Variants in PRKN observed in about 807,000 individuals in gnomAD.
PRKN encodes parkin RBR E3 ubiquitin protein ligase.
PRKN carries 56 observed loss-of-function variants against 59.5 expected under a neutral mutation model. The ratio of observed to expected loss-of-function variants is 0.94; its 90% CI spans 0.76 to 1.18. The LOEUF is 1.18. Ranked by LOEUF, PRKN falls within the 50% of genes most tolerant of loss-of-function variation. The pLI is 0.00. For missense variants in PRKN, 657 were observed against 596.4 expected (o/e 1.10, Z -1.06); for synonymous variants, 250 against 222.1 (o/e 1.13, Z -1.12).
intron 5 of PRKN, among the ~76,000 whole-genome samples, chr6:161,975,085 C>CT (rs769121865): frequency 0.03 from 3,794 of 124,406 alleles, 169 homozygotes; most frequent in African/African-American, 0.082. Flanking sequence ...ACATATACTT[C>CT]TTTTTTTTTT....
At chr6:161,860,306 C>T (rs1439269392) in intron 6 of PRKN, among the ~76,000 whole-genome samples, 1 of 152,154 alleles carries the variant, frequency 6.6e-6, no homozygotes, top group Non-Finnish European at 1.5e-5. Flanking sequence ...CACCTCCATT[C>T]AACAGACCCT....
intron 6 of PRKN, among the ~76,000 whole-genome samples, chr6:161,943,743 TCAACCTGAGGAAG>T (rs1198362048): frequency 7.3e-6 from 1 of 137,848 alleles, no homozygotes; most frequent in Non-Finnish European, 1.5e-5. Context: ...CCCTGAGGGA[TCAACCTGAGGAAG>T]CAGCCTGAGG....
At chr6:162,556,364 T>TGTGTGTGTGTGTGTGTGC (rs1779585864) in intron 1 of PRKN, among the ~76,000 whole-genome samples, 11 of 91,246 alleles carry the variant, frequency 1.2e-4, no homozygotes, top group South Asian at 1.1e-3. Flanking sequence ...TGTGTGTGTG[T>TGTGTGTGTGTGTGTGTGC]GTGTGTGTGT....
At chr6:162,304,700 C>T (rs1782144601) in intron 2 of PRKN, among the ~76,000 whole-genome samples, 1 of 150,780 alleles carries the variant, frequency 6.6e-6, no homozygotes, top group Non-Finnish European at 1.5e-5. Context: ...AAAAGACAGA[C>T]TTAAGGGTAC....
intron 6 of PRKN, among the ~76,000 whole-genome samples, chr6:161,852,721 A>C (rs1793489682): frequency 6.6e-6 from 1 of 152,250 alleles, no homozygotes; most frequent in South Asian, 2.1e-4. Context: ...CCCTGAATGT[A>C]TGTCAGCAGA....
chr6:161,450,756 T>C (rs12374676), intron 9 of PRKN, among the ~76,000 whole-genome samples: 20,402 of 152,114 alleles, frequency 0.13, 1,751 homozygotes, highest in Middle Eastern at 0.25. Flanking sequence ...AGGGTTTCAC[T>C]GTGTTAGCCA....
chr6:162,034,465 G>A (rs1582930126), intron 5 of PRKN, among the ~76,000 whole-genome samples: 1 of 152,192 alleles, frequency 6.6e-6, no homozygotes, highest in East Asian at 1.9e-4. Flanking sequence ...GTAGAGACAA[G>A]TAGAAACAAG....
chr6:162,262,234 G>A (rs929239552), intron 3 of PRKN, among the ~76,000 whole-genome samples: 2 of 152,092 alleles, frequency 1.3e-5, no homozygotes, highest in Non-Finnish European at 2.9e-5. Flanking sequence ...CAAATGGCTC[G>A]ATTAGCTTTA....
intron 5 of PRKN, among the ~76,000 whole-genome samples, chr6:161,974,739 C>T (rs1780958478): frequency 6.6e-6 from 1 of 152,124 alleles, no homozygotes; most frequent in African/African-American, 2.4e-5. Flanking sequence ...ACTCCTAATT[C>T]CACTTGCGTT....
intron 8 of PRKN, among the ~76,000 whole-genome samples, chr6:161,559,753 C>T (rs770892998): frequency 3.0e-4 from 46 of 152,156 alleles, no homozygotes; most frequent in Non-Finnish European, 5.1e-4. Flanking sequence ...TTGTGTAAGG[C>T]TACGGGTGGG....
chr6:162,354,102 A>T (rs910559384), intron 2 of PRKN, among the ~76,000 whole-genome samples: 10 of 152,182 alleles, frequency 6.6e-5, no homozygotes, highest in African/African-American at 2.2e-4. Context: ...ATTCTGCAGC[A>T]TATGGAAATT....
intron 6 of PRKN, among the ~76,000 whole-genome samples, chr6:161,954,762 G>A (rs759746777): frequency 1.8e-4 from 28 of 152,146 alleles, no homozygotes; most frequent in Non-Finnish European, 1.0e-4. Context: ...CAGTTTGTTG[G>A]TTCTGGAAAA....
At chr6:162,106,305 G>A (rs555022011) in intron 4 of PRKN, among the ~76,000 whole-genome samples, 3 of 152,100 alleles carry the variant, frequency 2.0e-5, no homozygotes, top group East Asian at 1.9e-4. Context: ...CAATAGCTCC[G>A]CGATGATGAT....
chr6:161,541,077 T>C (rs141821997), intron 9 of PRKN, among the ~76,000 whole-genome samples: 8 of 152,366 alleles, frequency 5.3e-5, no homozygotes, highest in African/African-American at 1.7e-4. Flanking sequence ...AAACCTGAGT[T>C]TGCAAATGTT....
intron 7 of PRKN, among the ~76,000 whole-genome samples, chr6:161,690,535 A>G (rs1884157): frequency 0.033 from 4,976 of 152,280 alleles, 268 homozygotes; most frequent in African/African-American, 0.11. Context: ...AAATCATGGG[A>G]TGCCCAGATA....
chr6:161,511,729 A>T (rs1778399898), intron 9 of PRKN, among the ~76,000 whole-genome samples: 1 of 152,116 alleles, frequency 6.6e-6, no homozygotes, highest in South Asian at 2.1e-4. Flanking sequence ...AAATTGCAGC[A>T]TTCCAAGGCC....
At position 161,520,226 on chromosome 6, in the gene PRKN, A is replaced by ATTTTTT. The variant is rs56073676; in HGVS notation, c.1083+28622_1083+28627dup. On this transcript the variant is annotated intron_variant, in intron 9 of 11. Coordinates refer to ENST00000366898, the MANE Select transcript of PRKN (RefSeq NM_004562.3). The stretch of plus-strand genomic sequence containing the variant: ...TCTCTATGCTCAAATCTCTCTATGC[A>ATTTTTT]TTTTTTTTTTTTTTTTGAGAAAGAG... Among the ~76,000 whole-genome samples, 973 of 131,280 alleles carry ATTTTTT rather than the reference A, an allele frequency of 7.4e-3. 26 individuals carry two copies. Among genetic ancestry groups the ATTTTTT allele is most frequent in the East Asian group, 0.04 (178 of 4,464 alleles). The allele number at this position is 131,280 out of a possible 152,430, so 86.1% of individuals were successfully genotyped here.
chr6:162,064,716 G>C (rs1778251948), intron 4 of PRKN, among the ~76,000 whole-genome samples: 2 of 152,310 alleles, frequency 1.3e-5, no homozygotes, highest in African/African-American at 4.8e-5. Context: ...GTAAAATAAT[G>C]AAAACTGAAA....
chr6:161,527,862 C>G lies in PRKN; in HGVS notation c.1083+20992G>C, dbSNP rs1031578804. ...CTTGCGGGAGACTGATGGACCTTCACAGACACCGTTTCTCTAGGTCAGCTC... is the reference window on the plus strand; with the variant it reads ...CTTGCGGGAGACTGATGGACCTTCAGAGACACCGTTTCTCTAGGTCAGCTC... On this transcript the variant is annotated intron_variant, in intron 9 of 11. Coordinates refer to ENST00000366898, the MANE Select transcript of PRKN (RefSeq NM_004562.3). The surrounding 1 kb of genome is among the most constrained non-coding windows in gnomAD (Gnocchi z 4.6). 5.3e-5 allele frequency among the ~76,000 whole-genome samples: 8 copies of G among 152,200 alleles called. No homozygotes were observed. Among genetic ancestry groups the G allele is most frequent in the African/African-American group, 1.9e-4 (8 of 41,454 alleles).
Sources: gnomAD v4.1 joint callset for allele counts (sites outside exome capture counted in the v4.1 genomes callset) on GRCh38, gnomAD v4.1.1 for gene constraint, Gnocchi (gnomAD v3.1) non-coding constraint, MANE v1.5 for transcripts, NCBI Gene and HGNC (gene_info 2026-07-23, HGNC 2026-07-21) for gene names.